Variants in DOCK10 observed in about 807,000 individuals in gnomAD.
The protein encoded by DOCK10 is dedicator of cytokinesis 10.
A neutral mutation model predicts 280.1 loss-of-function variants in DOCK10; 145 were observed. That is an observed-to-expected ratio of 0.52 (90% confidence interval 0.45 to 0.59). The LOEUF is 0.59. Ranked by LOEUF, DOCK10 falls within the 20% of genes least tolerant of loss-of-function variation. The pLI, the probability that DOCK10 is intolerant of heterozygous loss-of-function variation, is 0.00. For synonymous variants in DOCK10, 915 were observed against 942.2 expected, an observed-to-expected ratio of 0.97 and a Z score of 0.53; for missense variants, 2,368 against 2,651.7, an observed-to-expected ratio of 0.89 and a Z score of 2.35.
At chr2:224,829,703 A>G (rs1289981993) in intron 27 of DOCK10, among the ~76,000 whole-genome samples, 1 of 152,136 alleles carries the variant, frequency 6.6e-6, no homozygotes, top group Non-Finnish European at 1.5e-5. Flanking sequence ...ACCACTCTAG[A>G]ATGAGGGTTT....
At chr2:224,960,288 C>T (rs1014533093) in intron 1 of DOCK10, among the ~76,000 whole-genome samples, 5 of 152,178 alleles carry the variant, frequency 3.3e-5, no homozygotes, top group African/African-American at 1.2e-4. Flanking sequence ...CCTACCTGCA[C>T]TCTTTATTTT....
chr2:224,828,017 C>T (rs1192713684), intron 27 of DOCK10, among the ~76,000 whole-genome samples: 5 of 152,156 alleles, frequency 3.3e-5, no homozygotes, highest in Admixed American at 6.5e-5. Context: ...GCACTCCTCC[C>T]ATGCAAGATG....
intron 29 of DOCK10, among the ~76,000 whole-genome samples, chr2:224,817,558 T>G (rs1042858459): frequency 2.0e-5 from 3 of 152,230 alleles, no homozygotes; most frequent in African/African-American, 7.2e-5. Context: ...CTTAAACCTT[T>G]GTACATCAAA....
rs1017440795 is a variant in DOCK10, at chr2:224,808,000, G to T, written c.3496C>A (p.Gln1166Lys). The T allele has an allele frequency of 6.2e-6, 10 of 1,612,738 alleles. No individual in the cohort carries two copies. Among genetic ancestry groups the T allele is most frequent in the Admixed American group, 3.3e-5 (2 of 59,810 alleles). The part of the protein sequence containing the change: ...ILLREVGFAL[Q>K]EDQDVRHLAL... ...AAGTGTCTGACATCTTGGTCTTCCT[G>T]CAGGGCAAAGCCAACTTCTCGGAGC... Residue 1166 changes from glutamine (Q) to lysine (K), a missense_variant, in exon 32 of 56, where the codon CAG becomes AAG. Physicochemically the swap from Gln to Lys is moderately conservative, Grantham distance 53. Transcript: ENST00000258390.
At chr2:224,845,728 T>A in intron 19 of DOCK10, 86 bp from the exon 20 acceptor site, 24 of 1,276,938 alleles carry the variant, frequency 1.9e-5, no homozygotes, top group Middle Eastern at 2.2e-4. Context: ...TTTTAAACAA[T>A]CTTTTTTTTT....
chr2:224,785,743 G>C (rs1691689738), intron 50 of DOCK10, among the ~76,000 whole-genome samples: 1 of 152,192 alleles, frequency 6.6e-6, no homozygotes, highest in African/African-American at 2.4e-5. Flanking sequence ...GCCTCTCAAA[G>C]TACTGGATTA....
chr2:224,901,737 A>G lies in DOCK10; in HGVS notation c.334-5360T>C, dbSNP rs189367264. ...AGTACTACAGGTGATTCTGAAGGAC[A>G]TAGAGAAATGTTGCTACTTCACCAG... On this transcript the variant is annotated intron_variant, in intron 3 of 55. Coordinates refer to ENST00000258390, the MANE Select transcript of DOCK10 (RefSeq NM_014689.3). 1.3e-3 allele frequency among the ~76,000 whole-genome samples: 195 copies of G among 152,378 alleles called. 3 individuals carry two copies. In the East Asian group the frequency reaches 0.033, roughly 26 times the overall value.
Position 225,008,092 on chromosome 2 carries a change from C to A in DOCK10, c.123+34160G>T, listed in dbSNP as rs531470502. Among the ~76,000 whole-genome samples, 4 of 152,272 alleles carry A rather than the reference C, an allele frequency of 2.6e-5. No individual in the cohort carries two copies. The South Asian group carries it at 8.3e-4, about 32-fold the overall frequency. ...AAGTTCATGAGCATCAATCCTGACT[C>A]AGTATATTGAAGAGTATTTTAGAAG... On this transcript the variant is annotated intron_variant, in intron 1 of 55. Coordinates refer to ENST00000258390, the MANE Select transcript of DOCK10 (RefSeq NM_014689.3).
chr2:225,024,096 T>C (rs1245691160), intron 1 of DOCK10, among the ~76,000 whole-genome samples: 1 of 152,194 alleles, frequency 6.6e-6, no homozygotes, highest in Non-Finnish European at 1.5e-5. Flanking sequence ...TGAGGTCCAC[T>C]CTACAAAGCA....
chr2:224,946,335 A>C (rs2126101316), intron 1 of DOCK10, among the ~76,000 whole-genome samples: 1 of 152,342 alleles, frequency 6.6e-6, no homozygotes, highest in South Asian at 2.1e-4. Context: ...TCACTTTTTA[A>C]AGTCCTCCTT....
At position 224,864,859 on chromosome 2, in the gene DOCK10, G is replaced by C. The variant is rs553165424; in HGVS notation, c.1479+7C>G. The C allele has an allele frequency of 1.2e-6, 2 of 1,613,872 alleles. No homozygotes were observed. Among genetic ancestry groups the C allele is most frequent in the Admixed American group, 3.3e-5 (2 of 60,018 alleles). On this transcript the variant is annotated splice_region_variant and intron_variant, in intron 12 of 55. Coordinates refer to ENST00000258390, the MANE Select transcript of DOCK10 (RefSeq NM_014689.3). Reference sequence around the variant, plus strand: ...TTCCATCTCATCACAAGTAAACAAAGTGCCACCTGCTTTGGAAATTTTAGC... The same window carrying C: ...TTCCATCTCATCACAAGTAAACAAACTGCCACCTGCTTTGGAAATTTTAGC...
Position 224,814,304 on chromosome 2 carries a change from A to G in DOCK10, c.3409+16T>C. On this transcript the variant is annotated intron_variant, in intron 31 of 55. Coordinates refer to ENST00000258390, the MANE Select transcript of DOCK10 (RefSeq NM_014689.3). ...ACAGGTGGTTACTGATGCTTAGGTA[A>G]GGTAATATCACTTACCTGATGCATG... is the stretch of plus-strand genomic sequence containing the variant. 6.7e-7 allele frequency: 1 copy of G among 1,498,656 alleles called. No homozygotes were observed. The highest frequency in any genetic ancestry group is 8.9e-7 in the Non-Finnish European group (1 of 1,118,700). 92.8% of individuals were successfully genotyped at this position (1,498,656 alleles called of 1,614,324 possible). A position where few individuals can be genotyped will look rare whatever the true frequency, so the allele number is the denominator to read the frequency against.
chr2:224,878,809 C>T (rs1698796412), intron 7 of DOCK10, among the ~76,000 whole-genome samples: 1 of 152,204 alleles, frequency 6.6e-6, no homozygotes, highest in African/African-American at 2.4e-5. Flanking sequence ...ATGGCAGTCC[C>T]AGGCCTGGCT....
intron 37 of DOCK10, 41 bp from the exon 38 acceptor site, chr2:224,804,882 C>A: frequency 7.1e-7 from 1 of 1,406,200 alleles, no homozygotes; most frequent in East Asian, 2.6e-5. Flanking sequence ...TATTCATATT[C>A]TTTTATTATA....
chr2:225,012,251 T>C (rs546075918), intron 1 of DOCK10, among the ~76,000 whole-genome samples: 24 of 152,318 alleles, frequency 1.6e-4, no homozygotes, highest in African/African-American at 5.5e-4. Context: ...ACCTCTGCTC[T>C]GGACCAGACT....
rs377546195 is a variant in DOCK10 at position 224,897,791 on chromosome 2, C to T, written c.334-1414G>A. Among the ~76,000 whole-genome samples, 58 of 152,246 alleles carry T rather than the reference C, an allele frequency of 3.8e-4. No individual in the cohort carries two copies. In the South Asian group the frequency reaches 3.9e-3, roughly 10 times the overall value. On this transcript the variant is annotated intron_variant, in intron 3 of 55. Coordinates refer to ENST00000258390, the MANE Select transcript of DOCK10 (RefSeq NM_014689.3). ...ACAAAATAGTTATCATATAGTGGTA[C>T]GTAATGACGGATTATATAATATTTA...
intron 38 of DOCK10, 144 bp from the exon 39 acceptor site, chr2:224,804,357 C>T (rs562541094): frequency 2.1e-5 from 11 of 536,102 alleles, no homozygotes; most frequent in African/African-American, 9.9e-5. Context: ...TGTTTTCTTT[C>T]GGAAATCAGA....
intron 1 of DOCK10, among the ~76,000 whole-genome samples, chr2:225,024,727 C>CAA (rs60970681): frequency 0.011 from 1,619 of 145,340 alleles, 24 homozygotes; most frequent in African/African-American, 0.032. Context: ...ACTAAAAATA[C>CAA]AAAAAAAAAA....
At chr2:224,941,365 A>G (rs921388032) in intron 1 of DOCK10, among the ~76,000 whole-genome samples, 3 of 152,190 alleles carry the variant, frequency 2.0e-5, no homozygotes, top group Non-Finnish European at 4.4e-5. Context: ...GAGAACAGAA[A>G]ACAGAAATGC....
Sources: allele counts gnomAD v4.1 joint callset (sites outside exome capture counted in the v4.1 genomes callset), GRCh38; gene constraint gnomAD v4.1.1; transcripts MANE v1.5; gene names NCBI Gene and HGNC (gene_info 2026-07-23, HGNC 2026-07-21).